LIMS1: variants seen among roughly 807,000 people sequenced by gnomAD.
LIMS1 encodes LIM and senescent cell antigen-like-containing domain protein 1.
A neutral mutation model predicts 44.1 loss-of-function variants in LIMS1; 18 were observed. The observed-to-expected ratio is 0.41, with a 90% CI of 0.28 to 0.61. The LOEUF is 0.61. Among genes scored for constraint, LIMS1 ranks in the 20% least tolerant of loss-of-function variants. The probability of loss-of-function intolerance (pLI) is 0.32; values close to 1 mark genes in which losing one functional copy is unlikely to be tolerated. For synonymous variants in LIMS1, 93 were observed against 149.1 expected, an observed-to-expected ratio of 0.62 and a Z score of 2.74; for missense variants, 201 against 422.0, an observed-to-expected ratio of 0.48 and a Z score of 4.59.
At chr2:108,602,672 A>G (rs1687076347) in intron 1 of LIMS1, among the ~76,000 whole-genome samples, 1 of 152,216 alleles carries the variant, frequency 6.6e-6, no homozygotes, top group Admixed American at 6.5e-5. Context: ...CTTGATTATA[A>G]TGAATGATTG....
chr2:108,557,599 C>A (rs1472669802), intron 1 of LIMS1, among the ~76,000 whole-genome samples: 8 of 152,070 alleles, frequency 5.3e-5, no homozygotes, highest in Admixed American at 5.2e-4. Context: ...TCACTGCAAC[C>A]TCTACCTCCC....
At chr2:108,591,070 A>G (rs774552468) in intron 1 of LIMS1, among the ~76,000 whole-genome samples, 11 of 152,194 alleles carry the variant, frequency 7.2e-5, no homozygotes, top group Non-Finnish European at 1.3e-4. Context: ...GTTTGGGGAC[A>G]TTAGGGAAGC....
chr2:108,552,497 AATAT>A (rs1354459483), intron 1 of LIMS1, among the ~76,000 whole-genome samples: 1 of 146,740 alleles, frequency 6.8e-6, no homozygotes, highest in African/African-American at 2.5e-5. Context: ...AGTTACATAT[AATAT>A]ATAAATAAAA....
chr2:108,566,851 C>G (rs1017046634), intron 1 of LIMS1, among the ~76,000 whole-genome samples: 50 of 152,158 alleles, frequency 3.3e-4, no homozygotes, highest in Non-Finnish European at 4.7e-4. Context: ...CCCGCCTCAG[C>G]CTTCCAACGT....
intron 1 of LIMS1, among the ~76,000 whole-genome samples, chr2:108,544,827 TTGAC>T (rs1323814381): frequency 6.6e-6 from 1 of 152,172 alleles, no homozygotes; most frequent in African/African-American, 2.4e-5. Flanking sequence ...TGGCAAATCT[TTGAC>T]TGAAGGCCAA....
chr2:108,633,439 T>C (rs1329699516), intron 1 of LIMS1, among the ~76,000 whole-genome samples: 1 of 152,226 alleles, frequency 6.6e-6, no homozygotes, highest in Non-Finnish European at 1.5e-5. Context: ...CTGAACATAG[T>C]CCAAATAGTC....
chr2:108,571,786 A>G (rs1046345232), intron 1 of LIMS1, among the ~76,000 whole-genome samples: 12 of 152,214 alleles, frequency 7.9e-5, no homozygotes, highest in Non-Finnish European at 2.9e-5. Context: ...TCTGTATGAT[A>G]AGAAAATACA....
chr2:108,537,314 A>T (rs1320849070), intron 1 of LIMS1, among the ~76,000 whole-genome samples: 2 of 152,244 alleles, frequency 1.3e-5, no homozygotes, highest in African/African-American at 4.8e-5. Context: ...ATCCTAAATG[A>T]TGAAGGATAT....
chr2:108,646,865 G>A (rs1310455048), intron 1 of LIMS1, among the ~76,000 whole-genome samples: 1 of 152,066 alleles, frequency 6.6e-6, no homozygotes, highest in Non-Finnish European at 1.5e-5. Context: ...GGGACTACAG[G>A]CGCCTGCCAA....
intron 1 of LIMS1, among the ~76,000 whole-genome samples, chr2:108,554,992 T>C (rs1684875918): frequency 6.6e-6 from 1 of 152,188 alleles, no homozygotes; most frequent in Non-Finnish European, 1.5e-5. Flanking sequence ...ACAGGAATAG[T>C]GGACAGTGCT....
At chr2:108,614,619 T>C (rs1687834526) in intron 1 of LIMS1, among the ~76,000 whole-genome samples, 1 of 152,304 alleles carries the variant, frequency 6.6e-6, no homozygotes, top group African/African-American at 2.4e-5. Flanking sequence ...ATTTCTAAAT[T>C]AGATTTGTGT....
At chr2:108,605,738 A>C (rs763685752) in intron 1 of LIMS1, among the ~76,000 whole-genome samples, 2 of 152,202 alleles carry the variant, frequency 1.3e-5, no homozygotes, top group East Asian at 1.9e-4. Flanking sequence ...TTATCTGTGT[A>C]TTGTGGGCCA....
At chr2:108,602,891 G>C (rs1687085011) in intron 1 of LIMS1, among the ~76,000 whole-genome samples, 1 of 152,084 alleles carries the variant, frequency 6.6e-6, no homozygotes, top group Admixed American at 6.6e-5. Context: ...TCATCCTCCT[G>C]AGCAGCTGGG....
chr2:108,612,027 T>TACAC (rs1171142390), intron 1 of LIMS1, among the ~76,000 whole-genome samples: 13 of 57,710 alleles, frequency 2.3e-4, no homozygotes, highest in Admixed American at 1.4e-3. Flanking sequence ...TACACACACA[T>TACAC]ATACACACAC....
At chr2:108,678,720 A>G (rs1286397629) in intron 8 of LIMS1, 2 of 152,260 alleles carry the variant, frequency 1.3e-5, no homozygotes, top group East Asian at 3.8e-4. Context: ...AATAGATGCC[A>G]GGTGAAAGAA....
chr2:108,642,342 G>GTTTTTTTTTTT (rs764932432), intron 1 of LIMS1, among the ~76,000 whole-genome samples: 2 of 14,954 alleles, frequency 1.3e-4, no homozygotes, highest in African/African-American at 2.7e-4. Context: ...AGTGTTTTTT[G>GTTTTTTTTTTT]TTTTTTTTTT....
At chr2:108,621,930 T>C (rs537811694) in intron 1 of LIMS1, among the ~76,000 whole-genome samples, 40 of 152,240 alleles carry the variant, frequency 2.6e-4, no homozygotes, top group Non-Finnish European at 7.4e-5. Context: ...AACTATTCAA[T>C]GTAGCCTAGG....
At chr2:108,679,300 G>C (rs191098987) in intron 8 of LIMS1, among the ~76,000 whole-genome samples, 1 of 151,902 alleles carries the variant, frequency 6.6e-6, no homozygotes, top group Non-Finnish European at 1.5e-5. Context: ...CCAACATGGT[G>C]AAACCCCATC....
At position 108,635,976 on chromosome 2, in the gene LIMS1, G is replaced by C. The variant is rs150296297; in HGVS notation, c.33-23629G>C. Among the ~76,000 whole-genome samples the C allele has an allele frequency of 2.2e-3, 339 of 152,274 alleles. 4 individuals carry two copies. Among genetic ancestry groups the C allele is most frequent in the African/African-American group, 7.7e-3 (318 of 41,532 alleles). On this transcript the variant is annotated intron_variant, in intron 1 of 9. Coordinates refer to ENST00000544547, the Ensembl canonical transcript of LIMS1. ...TGTCGGCCTGGGTCCAACCAGGAGA[G>C]AAAACCCACACGCTAATTTGAACAG... is the stretch of plus-strand genomic sequence containing the variant.
Sources: allele counts gnomAD v4.1 joint callset (sites outside exome capture counted in the v4.1 genomes callset), GRCh38; gene constraint gnomAD v4.1.1; transcripts MANE v1.5; gene names NCBI Gene and HGNC (gene_info 2026-07-23, HGNC 2026-07-21).